NETO1: variants seen among roughly 807,000 people sequenced by gnomAD.
The protein encoded by NETO1 is neuropilin and tolloid-like protein 1.
A neutral mutation model predicts 61.3 loss-of-function variants in NETO1; 26 were observed. That is an observed-to-expected ratio of 0.42 (90% CI 0.31 to 0.59). The LOEUF (loss-of-function observed/expected upper bound fraction) is 0.59. NETO1 is among the 20% of genes least tolerant of loss of function. The probability of loss-of-function intolerance (pLI) is 0.12; values close to 1 mark genes in which losing one functional copy is unlikely to be tolerated. For missense variants in NETO1, 531 were observed against 662.8 expected (o/e 0.80, Z 2.18); for synonymous variants, 225 against 225.8 (o/e 1.00, Z 0.03).
chr18:72,857,379 C>T (rs1053247197), intron 4 of NETO1, among the ~76,000 whole-genome samples: 8 of 152,088 alleles, frequency 5.3e-5, no homozygotes, highest in African/African-American at 1.9e-4. Flanking sequence ...GATTGGGTGC[C>T]ACCATTTATG....
intron 4 of NETO1, among the ~76,000 whole-genome samples, chr18:72,851,762 T>C (rs1025998377): frequency 2.0e-5 from 3 of 152,178 alleles, no homozygotes; most frequent in Admixed American, 1.3e-4. Context: ...ACGCGGGTGA[T>C]ATATATAGTA....
intron 6 of NETO1, among the ~76,000 whole-genome samples, chr18:72,791,115 G>A (rs547555269): frequency 5.9e-5 from 9 of 152,128 alleles, no homozygotes; most frequent in African/African-American, 7.2e-5. Context: ...CTGGTTTTCC[G>A]AATTCTATGA....
intron 4 of NETO1, among the ~76,000 whole-genome samples, chr18:72,815,557 A>G (rs896287103): frequency 9.9e-5 from 15 of 152,206 alleles, no homozygotes; most frequent in Non-Finnish European, 1.9e-4. Flanking sequence ...CAAGTCATTT[A>G]ATCTTATTAA....
chr18:72,867,345 G>A lies in NETO1; in HGVS notation c.-54C>T. ...CTCCACTAATTCCATTTAGAGACGG[G>A]AAGACTTCCAGTGGCGGGGGGAGGA... On this transcript the variant is annotated 5_prime_UTR_variant, in exon 1 of 11. Transcript: ENST00000327305. The A allele has an allele frequency of 6.6e-7, 1 of 1,509,968 alleles. No individual in the cohort carries two copies. The highest frequency in any genetic ancestry group is 8.9e-7 in the Non-Finnish European group (1 of 1,118,550). The allele number at this position is 1,509,968 out of a possible 1,614,324, so 93.5% of individuals were successfully genotyped here. A position where few individuals can be genotyped will look rare whatever the true frequency, so the allele number is the denominator to read the frequency against.
chr18:72,815,158 G>A (rs1000236341), intron 4 of NETO1, among the ~76,000 whole-genome samples: 2 of 151,886 alleles, frequency 1.3e-5, no homozygotes, highest in Non-Finnish European at 2.9e-5. Flanking sequence ...TTTAAAGAAC[G>A]GAACTCAATC....
chr18:72,783,166 C>G (rs1165762944), intron 7 of NETO1, among the ~76,000 whole-genome samples: 1 of 152,152 alleles, frequency 6.6e-6, no homozygotes, highest in African/African-American at 2.4e-5. Flanking sequence ...ACCCATTGTG[C>G]TGTTTTAAAC....
chr18:72,743,054 C>A (rs1238693233), downstream of NETO1, among the ~76,000 whole-genome samples: 2 of 152,180 alleles, frequency 1.3e-5, no homozygotes, highest in African/African-American at 2.4e-5. Context: ...AGCAAACATA[C>A]CTGTCAGAGG....
At position 72,830,137 on chromosome 18, in the gene NETO1, T is replaced by C. The variant is rs2073526812; in HGVS notation, c.469+28689A>G. On this transcript the variant is annotated intron_variant, in intron 4 of 10. Coordinates refer to ENST00000327305, the MANE Select transcript of NETO1 (RefSeq NM_138966.5). The surrounding 1 kb of genome is among the most constrained non-coding windows in gnomAD (Gnocchi z 4.9). ...TATGAAGGAAGTACTATAAAACCTA[T>C]GGCTTTATCATCATAGAGGATCATG... Among the ~76,000 whole-genome samples the C allele has an allele frequency of 6.6e-6, 1 of 152,110 alleles. No homozygotes were observed. Among genetic ancestry groups the C allele is most frequent in the South Asian group, 2.1e-4 (1 of 4,830 alleles).
rs530658880 is a variant in NETO1 at position 72,781,452 on chromosome 18, A to C, written c.868+2226T>G. On this transcript the variant is annotated intron_variant, in intron 7 of 10. Coordinates refer to ENST00000327305, the MANE Select transcript of NETO1 (RefSeq NM_138966.5). The stretch of plus-strand genomic sequence containing the variant: ...AAAATTTTCCTCAAGTATTTTGCTG[A>C]GATAAAAATGCACTACCTCTAACAT... Among the ~76,000 whole-genome samples, 6 of 152,292 alleles carry C rather than the reference A, an allele frequency of 3.9e-5. No homozygotes were observed. The East Asian group carries it at 1.2e-3, about 29-fold the overall frequency.
downstream of NETO1, among the ~76,000 whole-genome samples, chr18:72,742,932 G>C (rs574901836): frequency 6.6e-6 from 1 of 152,232 alleles, no homozygotes; most frequent in Non-Finnish European, 1.5e-5. Flanking sequence ...TATAGTAGAA[G>C]TAAAAAAGCC....
At chr18:72,865,943 C>T (rs554802489) in intron 1 of NETO1, among the ~76,000 whole-genome samples, 6 of 152,222 alleles carry the variant, frequency 3.9e-5, no homozygotes, top group East Asian at 3.9e-4. Flanking sequence ...ATTTGAGAAA[C>T]GTGATTTCCG....
At chr18:72,800,064 G>A (rs578122239) in intron 4 of NETO1, among the ~76,000 whole-genome samples, 1 of 152,218 alleles carries the variant, frequency 6.6e-6, no homozygotes, top group Non-Finnish European at 1.5e-5. Flanking sequence ...GAGAGAGATG[G>A]AGCCAGGGCC....
At chr18:72,790,078 A>G (rs1378633167) in intron 6 of NETO1, among the ~76,000 whole-genome samples, 1 of 152,186 alleles carries the variant, frequency 6.6e-6, no homozygotes, top group Non-Finnish European at 1.5e-5. Context: ...GAATTAGTTA[A>G]CCACAAATTG....
chr18:72,776,343 C>A (rs1322460528), intron 7 of NETO1, among the ~76,000 whole-genome samples: 2 of 152,180 alleles, frequency 1.3e-5, no homozygotes, highest in African/African-American at 4.8e-5. Flanking sequence ...TTGTCCCCAT[C>A]ACCTAAATAC....
intron 4 of NETO1, among the ~76,000 whole-genome samples, chr18:72,846,982 C>T (rs920213106): frequency 1.3e-5 from 2 of 152,212 alleles, no homozygotes; most frequent in Non-Finnish European, 2.9e-5. Flanking sequence ...GCAAGCAAAA[C>T]GGAAGTTGGA....
At chr18:72,812,314 A>C (rs2072894990) in intron 4 of NETO1, among the ~76,000 whole-genome samples, 1 of 152,256 alleles carries the variant, frequency 6.6e-6, no homozygotes, top group Non-Finnish European at 1.5e-5. Flanking sequence ...AACCTCCAAA[A>C]GAGGCAGCAG....
At chr18:72,836,218 A>C (rs1229601971) in intron 4 of NETO1, among the ~76,000 whole-genome samples, 2 of 152,082 alleles carry the variant, frequency 1.3e-5, no homozygotes, top group African/African-American at 4.8e-5. Flanking sequence ...TCCACTGCCC[A>C]GGGTGCTCCC....
At chr18:72,777,435 A>T (rs1482745131) in intron 7 of NETO1, among the ~76,000 whole-genome samples, 1 of 95,418 alleles carries the variant, frequency 1.0e-5, no homozygotes, top group East Asian at 2.8e-4. Flanking sequence ...AAAAAACAAA[A>T]CAACAACAAA....
At chr18:72,834,840 G>A in intron 4 of NETO1, 1 of 980,818 alleles carries the variant, frequency 1.0e-6, no homozygotes, top group Non-Finnish European at 1.2e-6. Flanking sequence ...GGGGAGAGTG[G>A]AGACTATTAT....
Sources: gnomAD v4.1 joint callset for allele counts (sites outside exome capture counted in the v4.1 genomes callset) on GRCh38, gnomAD v4.1.1 for gene constraint, Gnocchi (gnomAD v3.1) non-coding constraint, MANE v1.5 for transcripts, NCBI Gene and HGNC (gene_info 2026-07-23, HGNC 2026-07-21) for gene names.